The following GRAP2 variants were observed in gnomAD, a reference collection of about 807,000 sequenced individuals.
GRAP2 encodes GRB2 related adaptor protein 2.
A neutral mutation model predicts 43.5 loss-of-function variants in GRAP2; 31 were observed. The observed-to-expected ratio is 0.71, with a 90% CI of 0.54 to 0.96. The LOEUF is 0.96. Ranked by LOEUF, GRAP2 falls within the 40% of genes least tolerant of loss-of-function variation. The probability of loss-of-function intolerance (pLI) is 0.00; values close to 1 mark genes in which losing one functional copy is unlikely to be tolerated. For synonymous variants in GRAP2, 156 were observed against 164.8 expected (o/e 0.95, Z 0.41); for missense variants, 371 against 424.4 (o/e 0.87, Z 1.11).
At chr22:39,966,849 A>G (rs778616992) in intron 5 of GRAP2, among the ~76,000 whole-genome samples, 4 of 152,238 alleles carry the variant, frequency 2.6e-5, no homozygotes, top group Non-Finnish European at 5.9e-5. Context: ...CATCTGTAGA[A>G]TGGAGAGAGC....
intron 1 of GRAP2, among the ~76,000 whole-genome samples, chr22:39,931,565 T>C (rs1196328341): frequency 9.2e-5 from 14 of 152,230 alleles, no homozygotes; most frequent in Non-Finnish European, 1.9e-4. Context: ...ACCTGATGAC[T>C]ACACGATGGG....
intron 1 of GRAP2, among the ~76,000 whole-genome samples, chr22:39,912,397 G>T (rs2066573418): frequency 1.3e-5 from 2 of 152,194 alleles, no homozygotes; most frequent in Non-Finnish European, 2.9e-5. Flanking sequence ...CATCCAGCCT[G>T]GGTGACATAG....
intron 1 of GRAP2, among the ~76,000 whole-genome samples, chr22:39,941,913 A>T (rs992310397): frequency 7.3e-5 from 11 of 150,718 alleles, no homozygotes; most frequent in African/African-American, 2.4e-4. Context: ...AGTTCAGAGG[A>T]GGGGAAACAA....
chr22:39,957,202 G>A (rs1728514703), intron 3 of GRAP2, among the ~76,000 whole-genome samples: 1 of 152,158 alleles, frequency 6.6e-6, no homozygotes, highest in Non-Finnish European at 1.5e-5. Context: ...AGGTGCAAGA[G>A]CACCAGTCTT....
chr22:39,964,388 A>C, intron 4 of GRAP2: 1 of 763,158 alleles, frequency 1.3e-6, no homozygotes, highest in Non-Finnish European at 2.3e-6. Context: ...TCCAGCCACG[A>C]AGGTGGCAAG....
intron 1 of GRAP2, among the ~76,000 whole-genome samples, chr22:39,904,122 G>C (rs2066509049): frequency 6.6e-6 from 1 of 152,196 alleles, no homozygotes; most frequent in Admixed American, 6.5e-5. Context: ...GGGCACAGTG[G>C]CTCACACCTG....
chr22:39,939,760 T>A (rs1249096316), intron 1 of GRAP2, among the ~76,000 whole-genome samples: 3 of 151,830 alleles, frequency 2.0e-5, no homozygotes, highest in Non-Finnish European at 4.4e-5. Flanking sequence ...AATATAAAAA[T>A]TAGCGGACCG....
chr22:39,927,274 T>C (rs956604222), intron 1 of GRAP2, among the ~76,000 whole-genome samples: 3 of 152,186 alleles, frequency 2.0e-5, no homozygotes, highest in African/African-American at 7.2e-5. Flanking sequence ...CGCCGGCATG[T>C]GCAAGTTGGT....
chr22:39,905,170 A>G (rs78664274), intron 1 of GRAP2, among the ~76,000 whole-genome samples: 6,729 of 152,194 alleles, frequency 0.044, 196 homozygotes, highest in Middle Eastern at 0.12. Flanking sequence ...GTATCTCATA[A>G]ACACTTTGGC....
At chr22:39,965,966 A>G (rs759516733) in intron 4 of GRAP2, 24 bp from the exon 5 acceptor site, 13 of 1,606,478 alleles carry the variant, frequency 8.1e-6, no homozygotes, top group Non-Finnish European at 1.1e-5. Flanking sequence ...GTAACATACA[A>G]TTTTGTTTTG....
chr22:39,907,742 A>G (rs942499876), intron 1 of GRAP2, among the ~76,000 whole-genome samples: 1 of 152,248 alleles, frequency 6.6e-6, no homozygotes, highest in African/African-American at 2.4e-5. Flanking sequence ...ATCCTGTCTC[A>G]AAAAATAAAT....
intron 5 of GRAP2, among the ~76,000 whole-genome samples, chr22:39,966,883 G>C (rs1221352742): frequency 6.6e-6 from 1 of 152,174 alleles, no homozygotes; most frequent in Non-Finnish European, 1.5e-5. Flanking sequence ...TCACTGGGCT[G>C]TTGTGAGGAT....
chr22:39,927,242 T>C (rs1169250258), intron 1 of GRAP2, among the ~76,000 whole-genome samples: 1 of 152,184 alleles, frequency 6.6e-6, no homozygotes, highest in Non-Finnish European at 1.5e-5. Context: ...GTGCCCTGAC[T>C]GGACCTCCCA....
At position 39,946,994 on chromosome 22, in the gene GRAP2, C is replaced by T. The variant is rs1030907388; in HGVS notation, c.-14-99C>T. ...TCTCCGGCCTGGAGACATCCATCTG[C>T]CCACTCTCCTAGGAACTGCTGATTA... On this transcript the variant is annotated intron_variant, in intron 1 of 7. Coordinates refer to ENST00000344138, the MANE Select transcript of GRAP2 (RefSeq NM_004810.4). 3 of 758,086 alleles carry T rather than the reference C, an allele frequency of 4.0e-6. No individual in the cohort carries two copies. The African/African-American group carries it at 5.1e-5, about 13-fold the overall frequency. 47.0% of individuals were successfully genotyped at this position (758,086 alleles called of 1,614,324 possible). A position where few individuals can be genotyped will look rare whatever the true frequency, so the allele number is the denominator to read the frequency against.
chr22:39,910,154 A>G (rs914255994), intron 1 of GRAP2, among the ~76,000 whole-genome samples: 3 of 152,142 alleles, frequency 2.0e-5, no homozygotes, highest in Non-Finnish European at 4.4e-5. Flanking sequence ...ATTGGACTCT[A>G]GCTTAGGGCC....
At chr22:39,937,893 A>G (rs990806918) in intron 1 of GRAP2, among the ~76,000 whole-genome samples, 4 of 152,366 alleles carry the variant, frequency 2.6e-5, no homozygotes, top group Admixed American at 6.5e-5. Flanking sequence ...TGAGTTTAAC[A>G]GAACATATAC....
chr22:39,899,409 T>C (rs1490685562), upstream of GRAP2, among the ~76,000 whole-genome samples: 1 of 152,050 alleles, frequency 6.6e-6, no homozygotes, highest in Non-Finnish European at 1.5e-5. Flanking sequence ...TTCAAAACCA[T>C]CGACTTGGGA....
At chr22:39,895,147 A>T in the GRAP2 span, among the ~76,000 whole-genome samples, 1 of 152,242 alleles carries the variant, frequency 6.6e-6, no homozygotes, top group Non-Finnish European at 1.5e-5. Flanking sequence ...TATCCATACT[A>T]CAAGGTGATT....
In GRAP2 at chr22:39,972,874, G is replaced by A. The variant is rs2067259965; in HGVS notation, c.*1790G>A. 1 of 153,294 alleles carries A rather than the reference G, an allele frequency of 6.5e-6. No individual in the cohort carries two copies. The highest frequency in any genetic ancestry group is 2.4e-5 in the African/African-American group (1 of 41,426). 9.5% of individuals were successfully genotyped at this position (153,294 alleles called of 1,614,324 possible). A position where few individuals can be genotyped will look rare whatever the true frequency, so the allele number is the denominator to read the frequency against. On this transcript the variant is annotated 3_prime_UTR_variant, in exon 8 of 8. Coordinates refer to ENST00000344138, the MANE Select transcript of GRAP2 (RefSeq NM_004810.4). ...GAGGGAAAGGTAGCTAAGACATCCA[G>A]GAGGATCAAGGGGCAGCGTGAGAGG... is the stretch of plus-strand genomic sequence containing the variant.
Sources: allele counts gnomAD v4.1 joint callset (sites outside exome capture counted in the v4.1 genomes callset), GRCh38; gene constraint gnomAD v4.1.1; transcripts MANE v1.5; gene names NCBI Gene and HGNC (gene_info 2026-07-23, HGNC 2026-07-21).